Variants in EFCC1 observed in about 807,000 individuals in gnomAD.
The protein encoded by EFCC1 is EF-hand and coiled-coil domain-containing protein 1.
In EFCC1, 50 loss-of-function variants were observed where a neutral mutation model predicts 52.1. That is an observed-to-expected ratio of 0.96 (90% CI 0.76 to 1.21). EFCC1 has a LOEUF of 1.21. Ranked by LOEUF, EFCC1 falls within the 50% of genes most tolerant of loss-of-function variation. The pLI is 0.00. For missense variants in EFCC1, 837 were observed against 867.3 expected, an observed-to-expected ratio of 0.97 and a Z score of 0.44; for synonymous variants, 399 against 396.5, an observed-to-expected ratio of 1.01 and a Z score of -0.08.
intron 1 of EFCC1, chr3:129,003,437 G>A: frequency 6.6e-6 from 2 of 301,340 alleles, no homozygotes; most frequent in Non-Finnish European, 9.8e-6. Context: ...AGGAGATGAG[G>A]AACCGCCACC....
chr3:129,022,485 C>T (rs890091621), intron 2 of EFCC1, among the ~76,000 whole-genome samples: 2 of 152,330 alleles, frequency 1.3e-5, no homozygotes, highest in African/African-American at 2.4e-5. Context: ...AGAGCAACAT[C>T]TGGCCCTTGT....
chr3:129,028,055 C>T (rs1576774542), intron 2 of EFCC1, among the ~76,000 whole-genome samples: 1 of 151,146 alleles, frequency 6.6e-6, no homozygotes, highest in East Asian at 1.9e-4. Context: ...TTAATAAGAC[C>T]AGGTAATATT....
rs1214412485 is a variant in EFCC1 at position 129,027,147 on chromosome 3, C to G, written c.981-3556C>G. 1.4e-3 allele frequency among the ~76,000 whole-genome samples: 213 copies of G among 150,786 alleles called. 3 individuals carry two copies. The highest frequency in any genetic ancestry group is 4.6e-3 in the African/African-American group (187 of 40,328). ...GTCAGCGAAACGCCGGAAACGCCTGCAGACGCCTGCAGACGCTCCTTGTGT... is the reference window on the plus strand; with the variant it reads ...GTCAGCGAAACGCCGGAAACGCCTGGAGACGCCTGCAGACGCTCCTTGTGT... On this transcript the variant is annotated intron_variant, in intron 2 of 7. Transcript: ENST00000683648.
At chr3:129,013,854 C>T (rs1442244622) in intron 2 of EFCC1, among the ~76,000 whole-genome samples, 3 of 152,196 alleles carry the variant, frequency 2.0e-5, no homozygotes, top group African/African-American at 7.2e-5. Context: ...TACTTGTGGG[C>T]AATGATGGCA....
At chr3:129,004,660 T>C (rs1433927107) in intron 2 of EFCC1, among the ~76,000 whole-genome samples, 2 of 152,102 alleles carry the variant, frequency 1.3e-5, no homozygotes, top group Non-Finnish European at 1.5e-5. Context: ...ATCATAATGA[T>C]AATAGCTTAC....
chr3:129,003,073 G>A (rs775615479), intron 1 of EFCC1, among the ~76,000 whole-genome samples: 6 of 152,216 alleles, frequency 3.9e-5, no homozygotes, highest in Non-Finnish European at 8.8e-5. Context: ...CCCTACCCCA[G>A]GCGACAACAG....
chr3:129,035,225 T>A (rs1946340298), intron 5 of EFCC1, among the ~76,000 whole-genome samples: 1 of 152,198 alleles, frequency 6.6e-6, no homozygotes, highest in Non-Finnish European at 1.5e-5. Context: ...AATAACTTTT[T>A]AAAAATGATA....
chr3:129,035,384 T>C (rs1290153358), intron 5 of EFCC1, among the ~76,000 whole-genome samples: 3 of 152,258 alleles, frequency 2.0e-5, no homozygotes, highest in Middle Eastern at 3.4e-3. Context: ...CACGCCAGTG[T>C]GCCCACCTTG....
In EFCC1 at chr3:129,022,047, A is replaced by C. The variant is rs186603434; in HGVS notation, c.981-8656A>C. 2.2e-3 allele frequency among the ~76,000 whole-genome samples: 337 copies of C among 152,362 alleles called. 3 individuals carry two copies. Among genetic ancestry groups the C allele is most frequent in the African/African-American group, 7.8e-3 (323 of 41,580 alleles). On this transcript the variant is annotated intron_variant, in intron 2 of 7. Transcript: ENST00000683648. ...GGCAGGCGCAGAGCTCTGCTCTCAC[A>C]GCACCCAGAACTCACCGTGTGCTGG...
At chr3:129,006,757 G>C (rs946521633) in intron 2 of EFCC1, among the ~76,000 whole-genome samples, 1 of 152,202 alleles carries the variant, frequency 6.6e-6, no homozygotes, top group Non-Finnish European at 1.5e-5. Flanking sequence ...GCAGATGGCT[G>C]TGTCACTAAT....
chr3:129,017,553 C>G lies in EFCC1; in HGVS notation c.981-13150C>G, dbSNP rs544632158. ...CTCCTTTTGGCCGTGGGACCGAGGC[C>G]CTATTTCCTTGCCGGCTGTCAGCTG... On this transcript the variant is annotated intron_variant, in intron 2 of 7. Coordinates refer to ENST00000683648, the MANE Select transcript of EFCC1 (RefSeq NM_001377500.1). Among the ~76,000 whole-genome samples the G allele has an allele frequency of 2.0e-5, 3 of 152,324 alleles. No individual in the cohort carries two copies. In the East Asian group the frequency reaches 5.8e-4, roughly 29 times the overall value.
chr3:129,029,132 T>A (rs907783684), intron 2 of EFCC1, among the ~76,000 whole-genome samples: 1 of 152,148 alleles, frequency 6.6e-6, no homozygotes, highest in Admixed American at 6.5e-5. Context: ...CGGCCTCCCC[T>A]TTTCCAAGAT....
intron 2 of EFCC1, among the ~76,000 whole-genome samples, chr3:129,006,970 T>C (rs1945102499): frequency 6.6e-6 from 1 of 152,206 alleles, no homozygotes; most frequent in Non-Finnish European, 1.5e-5. Context: ...CACTTTTTCA[T>C]GTAAGCTCAT....
chr3:129,006,534 T>C (rs544115546), intron 2 of EFCC1, among the ~76,000 whole-genome samples: 1 of 152,358 alleles, frequency 6.6e-6, no homozygotes, highest in Admixed American at 6.5e-5. Flanking sequence ...CAGTCTGGTC[T>C]CAAACACCTG....
At chr3:129,032,740 C>T (rs1031293660) in intron 3 of EFCC1, 79 bp from the exon 4 acceptor site, 73 of 1,503,054 alleles carry the variant, frequency 4.9e-5, no homozygotes, top group Middle Eastern at 4.7e-4. Flanking sequence ...CCTGGGGCTG[C>T]GCTGCACATG....
At chr3:129,025,565 AGTAAGGGTG>A (rs1946070065) in intron 2 of EFCC1, among the ~76,000 whole-genome samples, 1 of 152,204 alleles carries the variant, frequency 6.6e-6, no homozygotes, top group South Asian at 2.1e-4. Flanking sequence ...AGTAGGGCAG[AGTAAGGGTG>A]GTAGCTGGGA....
intron 7 of EFCC1, 134 bp downstream of exon 7, chr3:129,039,034 A>G (rs1946391695): frequency 1.2e-6 from 1 of 823,870 alleles, no homozygotes; most frequent in Admixed American, 2.3e-5. Flanking sequence ...CATGCTTTAG[A>G]AAGCTGAAGG....
At chr3:129,004,762 G>A (rs1371087345) in intron 2 of EFCC1, among the ~76,000 whole-genome samples, 4 of 152,088 alleles carry the variant, frequency 2.6e-5, no homozygotes, top group Admixed American at 6.6e-5. Context: ...TGTGAGGTGG[G>A]TACTGCTATG....
rs1171301643 is a variant in EFCC1 at position 129,010,904 on chromosome 3, G to T, written c.980+6827G>T. On this transcript the variant is annotated intron_variant, in intron 2 of 7. Coordinates refer to ENST00000683648, the MANE Select transcript of EFCC1 (RefSeq NM_001377500.1). This position sits in a 1 kb window ranked among gnomAD's most constrained non-coding sequence, Gnocchi z 4.3. ...TGCACAGGGGGCTTGGTGGGTGGGG[G>T]CCTAGGCTCAGAAGGCCCAGCCCAA... 6.6e-6 allele frequency among the ~76,000 whole-genome samples: 1 copy of T among 152,168 alleles called. No homozygotes were observed. The highest frequency in any genetic ancestry group is 1.5e-5 in the Non-Finnish European group (1 of 68,020).
Sources: allele counts gnomAD v4.1 joint callset (sites outside exome capture counted in the v4.1 genomes callset), GRCh38; gene constraint gnomAD v4.1.1; non-coding constraint Gnocchi (gnomAD v3.1); transcripts MANE v1.5; gene names NCBI Gene and HGNC (gene_info 2026-07-23, HGNC 2026-07-21).